MRPL39: variants seen among roughly 807,000 people sequenced by gnomAD.
The protein encoded by MRPL39 is mitochondrial ribosomal protein L39, also known as large ribosomal subunit protein mL39.
In MRPL39, 35 loss-of-function variants were observed where a neutral mutation model predicts 44.5. The ratio of observed to expected loss-of-function variants is 0.79; its 90% CI spans 0.60 to 1.04. MRPL39 has a LOEUF of 1.04. MRPL39 is among the 50% of genes least tolerant of loss of function. The probability of loss-of-function intolerance (pLI) is 0.00; values close to 1 mark genes in which losing one functional copy is unlikely to be tolerated. For missense variants in MRPL39, 433 were observed against 413.5 expected (o/e 1.05, Z -0.41); for synonymous variants, 139 against 136.1 (o/e 1.02, Z -0.15).
intron 4 of MRPL39, among the ~76,000 whole-genome samples, chr21:25,600,322 G>A (rs2031482375): frequency 6.7e-6 from 1 of 149,660 alleles, no homozygotes; most frequent in Non-Finnish European, 1.5e-5. Flanking sequence ...CTTGAATCTG[G>A]GAGGTGCAGG....
At chr21:25,599,918 GTTACTAA>G (rs771468949) in intron 4 of MRPL39, 52 bp from the exon 5 acceptor site, 3 of 1,395,334 alleles carry the variant, frequency 2.2e-6, no homozygotes, top group Non-Finnish European at 3.0e-6. Flanking sequence ...CCAACAGAAA[GTTACTAA>G]TTTGCAACAA....
At position 25,597,274 on chromosome 21, in the gene MRPL39, C is replaced by T. The variant is rs747027963; in HGVS notation, c.701+28G>A. ...TTACATATAATACTGGGAGAGTTAGCCTTGATTTAAAGAAAGCCAACACTT... is the reference window on the plus strand; with the variant it reads ...TTACATATAATACTGGGAGAGTTAGTCTTGATTTAAAGAAAGCCAACACTT... On this transcript the variant is annotated intron_variant, in intron 6 of 9. Transcript: ENST00000352957. The T allele has an allele frequency of 3.6e-6, 5 of 1,406,806 alleles. No individual in the cohort carries two copies. In the South Asian group the frequency reaches 4.8e-5, roughly 14 times the overall value. The allele number at this position is 1,406,806 out of a possible 1,614,324, so 87.1% of individuals were successfully genotyped here.
rs1420882731 is a variant in MRPL39, at chr21:25,592,937, CCTCA to C, written c.792_795del (p.Ser264ArgfsTer42). 5.6e-6 allele frequency: 9 copies of C among 1,612,540 alleles called. No individual in the cohort carries two copies. The highest frequency in any genetic ancestry group is 1.3e-5 in the African/African-American group (1 of 74,926). On this transcript the variant is annotated frameshift_variant, in exon 8 of 10. Coordinates refer to ENST00000352957, the MANE Select transcript of MRPL39 (RefSeq NM_017446.4). LOFTEE classifies it high-confidence loss of function. ...ATACTTGTTCTTGGAATAAGAGGGC[CCTCA>C]CTCACATCAATGAAGTCACCTATTC...
In MRPL39 at chr21:25,593,897, G is replaced by A. The variant is rs1394036080; in HGVS notation, c.763C>T (p.His255Tyr). The change falls in exon 7 of 10, where the codon CAC becomes TAC. Residue 255 changes from histidine to tyrosine, a missense_variant. Transcript: ENST00000352957. The part of the protein sequence containing the change: ...SQNPERIVKL[H>Y]RIGDFIDVSE... ...AGTTTTTAGACTTTTACTTACCTGT[G>A]TAGCTTGACTATTCTCTCAGGGTTC... The A allele has an allele frequency of 1.2e-6, 2 of 1,613,018 alleles. No homozygotes were observed. The highest frequency in any genetic ancestry group is 2.7e-5 in the African/African-American group (2 of 74,896).
intron 9 of MRPL39, among the ~76,000 whole-genome samples, chr21:25,588,268 C>T (rs971647033): frequency 2.2e-4 from 34 of 151,408 alleles, no homozygotes; most frequent in African/African-American, 6.1e-4. Context: ...GCTGAGATCG[C>T]GCCACTGCAC....
intron 6 of MRPL39, among the ~76,000 whole-genome samples, chr21:25,596,973 G>A (rs745342023): frequency 2.6e-5 from 4 of 152,142 alleles, no homozygotes; most frequent in African/African-American, 9.7e-5. Flanking sequence ...AGGGGTAGGA[G>A]AGAAACACTG....
intron 3 of MRPL39, among the ~76,000 whole-genome samples, chr21:25,603,212 A>G (rs998394456): frequency 6.6e-6 from 1 of 152,140 alleles, no homozygotes; most frequent in African/African-American, 2.4e-5. Context: ...AAGTACTCTA[A>G]AGAGGCCAGA....
chr21:25,593,767 C>A, intron 7 of MRPL39, 126 bp downstream of exon 7: 1 of 704,422 alleles, frequency 1.4e-6, no homozygotes, highest in Non-Finnish European at 2.2e-6. Flanking sequence ...ACGAAGCAAC[C>A]AAAAATAAGG....
intron 8 of MRPL39, among the ~76,000 whole-genome samples, chr21:25,591,752 C>G (rs1285198097): frequency 6.6e-6 from 1 of 152,148 alleles, no homozygotes; most frequent in African/African-American, 2.4e-5. Context: ...TACCGTCACT[C>G]TGGAACACTT....
chr21:25,592,779 A>G, intron 8 of MRPL39, 33 bp downstream of exon 8: 1 of 1,507,698 alleles, frequency 6.6e-7, no homozygotes, highest in Middle Eastern at 1.7e-4. Context: ...CTATACCCAA[A>G]TTGGAAGACC....
rs138444400 is a variant in MRPL39 at position 25,601,013 on chromosome 21, C to T, written c.520+355G>A. Among the ~76,000 whole-genome samples, 378 of 152,176 alleles carry T rather than the reference C, an allele frequency of 2.5e-3. 1 individual carries two copies. Among genetic ancestry groups the T allele is most frequent in the East Asian group, 9.3e-3 (48 of 5,176 alleles). On this transcript the variant is annotated intron_variant, in intron 4 of 9. Coordinates refer to ENST00000352957, the MANE Select transcript of MRPL39 (RefSeq NM_017446.4). ...GACCCAGCTAATCGGGAGGGTGAGG[C>T]GGGAGAATGGTGTGAACCCCAGAGG...
intron 9 of MRPL39, chr21:25,587,721 G>A: frequency 6.2e-7 from 1 of 1,609,824 alleles, no homozygotes; most frequent in South Asian, 1.1e-5. Context: ...TTCCATGGAG[G>A]AGGTACGACT....
intron 6 of MRPL39, among the ~76,000 whole-genome samples, chr21:25,594,498 C>T (rs1000418789): frequency 6.6e-6 from 1 of 151,958 alleles, no homozygotes; most frequent in East Asian, 1.9e-4. Flanking sequence ...CCTCCTGCCT[C>T]AGTCTCCCAA....
chr21:25,597,528 T>C (rs1006254867), intron 5 of MRPL39, 114 bp from the exon 6 acceptor site: 7 of 562,542 alleles, frequency 1.2e-5, no homozygotes, highest in Non-Finnish European at 2.1e-5. Context: ...AAATAAAAGA[T>C]AAAATCAAAT....
chr21:25,594,475 G>T (rs1601374337), intron 6 of MRPL39, among the ~76,000 whole-genome samples: 1 of 151,616 alleles, frequency 6.6e-6, no homozygotes, highest in African/African-American at 2.4e-5. Context: ...TCAAACTCCT[G>T]GTGTCAAGCA....
At chr21:25,593,071 G>T in intron 7 of MRPL39, 106 bp from the exon 8 acceptor site, 1 of 990,406 alleles carries the variant, frequency 1.0e-6, no homozygotes, top group Non-Finnish European at 1.5e-6. Context: ...CCCTAATCAA[G>T]AACATTATAT....
Position 25,594,047 on chromosome 21 carries a change from C to T in MRPL39, c.702-89G>A, listed in dbSNP as rs2031266418. 21 of 1,096,800 alleles carry T rather than the reference C, an allele frequency of 1.9e-5. No individual in the cohort carries two copies. The South Asian group carries it at 2.9e-4, about 15-fold the overall frequency. 67.9% of individuals were successfully genotyped at this position (1,096,800 alleles called of 1,614,324 possible). ...TACCTCCCTTTCTCTTCCTCTTCAG[C>T]CATACTTTCTGAGAGTAGGTTACAC... is the stretch of plus-strand genomic sequence containing the variant. On this transcript the variant is annotated intron_variant, in intron 6 of 9. Coordinates refer to ENST00000352957, the MANE Select transcript of MRPL39 (RefSeq NM_017446.4).
At chr21:25,596,003 C>T (rs931431163) in intron 6 of MRPL39, among the ~76,000 whole-genome samples, 5 of 152,046 alleles carry the variant, frequency 3.3e-5, no homozygotes, top group African/African-American at 9.7e-5. Flanking sequence ...TTCCAGGACA[C>T]GCTAAAAATG....
Position 25,606,478 on chromosome 21 carries a change from T to C in MRPL39, c.251A>G (p.Asn84Ser), listed in dbSNP as rs75377686. Residue 84 changes from asparagine to serine, a missense_variant, in exon 2 of 10, where the codon AAC becomes AGC. Physicochemically the swap from Asn to Ser is conservative, Grantham distance 46. Coordinates refer to ENST00000352957, the MANE Select transcript of MRPL39 (RefSeq NM_017446.4). ...DPGTVFVMNK[N>S]ISTPYSCAMH... ...GGCACAACTGTAGGGAGTTGAAATGTTTTTATTCATCACGAAGACAGTACC... is the reference window on the plus strand; with the variant it reads ...GGCACAACTGTAGGGAGTTGAAATGCTTTTATTCATCACGAAGACAGTACC... The C allele has an allele frequency of 1.5e-3, 2,469 of 1,611,900 alleles. 34 individuals are homozygous for C. The African/African-American group carries it at 0.028, about 19-fold the overall frequency.
Sources: allele counts gnomAD v4.1 joint callset (sites outside exome capture counted in the v4.1 genomes callset), GRCh38; gene constraint gnomAD v4.1.1; transcripts MANE v1.5; gene names NCBI Gene and HGNC (gene_info 2026-07-23, HGNC 2026-07-21).